KLF12: variants seen among roughly 807,000 people sequenced by gnomAD.
The protein encoded by KLF12 is Krueppel-like factor 12.
A neutral mutation model predicts 37.8 loss-of-function variants in KLF12; 9 were observed. The observed-to-expected ratio is 0.24, with a 90% CI of 0.14 to 0.42. The LOEUF (loss-of-function observed/expected upper bound fraction) is 0.42. KLF12 is among the 10% of genes least tolerant of loss of function. KLF12 has a pLI of 1.00. For missense variants in KLF12, 411 were observed against 516.0 expected (o/e 0.80, Z 1.97); for synonymous variants, 208 against 202.1 (o/e 1.03, Z -0.25).
At chr13:74,051,027 CAAAT>C (rs1344265342) in intron 1 of KLF12, among the ~76,000 whole-genome samples, 1 of 152,070 alleles carries the variant, frequency 6.6e-6, no homozygotes, top group Non-Finnish European at 1.5e-5. Context: ...ATCAAAAACA[CAAAT>C]AACAAGTGTT....
At chr13:74,059,408 T>G (rs1013239464) in intron 1 of KLF12, among the ~76,000 whole-genome samples, 1 of 152,238 alleles carries the variant, frequency 6.6e-6, no homozygotes, top group Non-Finnish European at 1.5e-5. Context: ...GCAGTATACA[T>G]GCATTCTCTT....
chr13:74,223,308 G>A, the KLF12 span, among the ~76,000 whole-genome samples: 1 of 152,200 alleles, frequency 6.6e-6, no homozygotes, highest in Non-Finnish European at 1.5e-5. Context: ...AACCATACAT[G>A]CTGCAAATAA....
At chr13:73,709,862 T>A (rs1027802996) in intron 7 of KLF12, among the ~76,000 whole-genome samples, 1 of 152,152 alleles carries the variant, frequency 6.6e-6, no homozygotes, top group Non-Finnish European at 1.5e-5. Flanking sequence ...TCGGATCATG[T>A]CTTAGGGTTT....
chr13:73,812,383 TCA>T (rs1882984982), intron 5 of KLF12, among the ~76,000 whole-genome samples: 1 of 66,100 alleles, frequency 1.5e-5, no homozygotes, highest in African/African-American at 5.7e-5. Context: ...TTATGCATTC[TCA>T]CAAAAAAAAA....
At chr13:74,087,929 A>C (rs1400604053) in intron 1 of KLF12, among the ~76,000 whole-genome samples, 8 of 152,160 alleles carry the variant, frequency 5.3e-5, no homozygotes, top group Non-Finnish European at 1.0e-4. Context: ...CATTTCCTGC[A>C]CTCAAGTGCA....
chr13:74,120,704 A>G (rs1877578089), intron 1 of KLF12, among the ~76,000 whole-genome samples: 1 of 152,090 alleles, frequency 6.6e-6, no homozygotes. Flanking sequence ...TGGATAGGCT[A>G]TAACATGTAT....
intron 3 of KLF12, among the ~76,000 whole-genome samples, chr13:73,885,491 T>C (rs1202865140): frequency 6.6e-6 from 1 of 152,228 alleles, no homozygotes; most frequent in Non-Finnish European, 1.5e-5. Context: ...ATCTTCTGCA[T>C]TCACACTTGC....
At chr13:73,801,236 T>C (rs1240597259) in intron 5 of KLF12, 1 of 151,974 alleles carries the variant, frequency 6.6e-6, no homozygotes, top group Non-Finnish European at 1.5e-5. Flanking sequence ...GTGAAGAAAG[T>C]GATATAAAGT....
At chr13:73,751,059 T>C (rs925381041) in intron 6 of KLF12, among the ~76,000 whole-genome samples, 2 of 152,166 alleles carry the variant, frequency 1.3e-5, no homozygotes, top group Non-Finnish European at 2.9e-5. Flanking sequence ...ATGGCAATGA[T>C]TGGATTCAGA....
chr13:74,183,022 T>C, the KLF12 span, among the ~76,000 whole-genome samples: 2 of 152,208 alleles, frequency 1.3e-5, no homozygotes, highest in Non-Finnish European at 2.9e-5. Flanking sequence ...ATGCTGCCCC[T>C]GACCAAACCA....
At chr13:73,886,996 A>T (rs536842370) in intron 3 of KLF12, among the ~76,000 whole-genome samples, 1 of 151,602 alleles carries the variant, frequency 6.6e-6, no homozygotes, top group Non-Finnish European at 1.5e-5. Context: ...CCGTCTCAAA[A>T]AAAAAAAAAA....
chr13:74,208,804 T>C, the KLF12 span, among the ~76,000 whole-genome samples: 1 of 152,060 alleles, frequency 6.6e-6, no homozygotes, highest in South Asian at 2.1e-4. Flanking sequence ...TGAGACACTG[T>C]GTCTAAAAAA....
the KLF12 span, among the ~76,000 whole-genome samples, chr13:74,248,324 C>T: frequency 6.6e-6 from 1 of 152,214 alleles, no homozygotes; most frequent in Non-Finnish European, 1.5e-5. Flanking sequence ...GCCAGTCTTT[C>T]TCTGCTGATG....
At chr13:73,838,632 A>G (rs1386228636) in intron 4 of KLF12, among the ~76,000 whole-genome samples, 1 of 152,004 alleles carries the variant, frequency 6.6e-6, no homozygotes, top group Non-Finnish European at 1.5e-5. Context: ...AAAAGTCTTA[A>G]TGTAATAAAT....
At chr13:74,109,067 T>C (rs965896636) in intron 1 of KLF12, among the ~76,000 whole-genome samples, 1 of 151,684 alleles carries the variant, frequency 6.6e-6, no homozygotes, top group Non-Finnish European at 1.5e-5. Flanking sequence ...ATCCAATCAC[T>C]TCAAAAAAAG....
At chr13:73,839,297 T>A (rs1224793084) in intron 4 of KLF12, among the ~76,000 whole-genome samples, 1 of 151,186 alleles carries the variant, frequency 6.6e-6, no homozygotes, top group Non-Finnish European at 1.5e-5. Context: ...GAGACAAGGT[T>A]TCACCATGTT....
intron 3 of KLF12, among the ~76,000 whole-genome samples, chr13:73,880,758 C>A (rs1886940626): frequency 6.6e-6 from 1 of 152,210 alleles, no homozygotes; most frequent in Non-Finnish European, 1.5e-5. Context: ...ATCCCAGATT[C>A]TTGGCTATGT....
At chr13:74,155,043 CCTT>C in the KLF12 span, among the ~76,000 whole-genome samples, 1 of 152,204 alleles carries the variant, frequency 6.6e-6, no homozygotes, top group Non-Finnish European at 1.5e-5. Context: ...TTCTTTATCT[CCTT>C]CTTTCCCCGC....
intron 5 of KLF12, among the ~76,000 whole-genome samples, chr13:73,779,000 A>T (rs1880798710): frequency 6.6e-6 from 1 of 152,222 alleles, no homozygotes; most frequent in Admixed American, 6.5e-5. Flanking sequence ...TAGAAGTCAT[A>T]AACTAGTCTG....
Sources: gnomAD v4.1 joint callset for allele counts (sites outside exome capture counted in the v4.1 genomes callset) on GRCh38, gnomAD v4.1.1 for gene constraint, MANE v1.5 for transcripts, NCBI Gene and HGNC (gene_info 2026-07-23, HGNC 2026-07-21) for gene names.